Variants in HERC3 observed in about 807,000 individuals in gnomAD.
HERC3 encodes probable E3 ubiquitin-protein ligase HERC3.
A neutral mutation model predicts 129.9 loss-of-function variants in HERC3; 58 were observed. The observed-to-expected ratio is 0.45, with a 90% CI of 0.36 to 0.56. HERC3 has a LOEUF of 0.56. Among genes scored for constraint, HERC3 ranks in the 20% least tolerant of loss-of-function variants. The pLI, the probability that HERC3 is intolerant of heterozygous loss-of-function variation, is 0.00. For synonymous variants in HERC3, 430 were observed against 451.0 expected (o/e 0.95, Z 0.59); for missense variants, 835 against 1,244.2 (o/e 0.67, Z 4.95).
chr4:88,665,884 G>C (rs1730994455), intron 12 of HERC3, among the ~76,000 whole-genome samples: 1 of 152,070 alleles, frequency 6.6e-6, no homozygotes, highest in Admixed American at 6.5e-5. Context: ...TGCTGATGTT[G>C]GCCTTCCAGA....
Position 88,655,880 on chromosome 4 carries a change from A to G in HERC3, c.914A>G (p.His305Arg). 6.2e-7 allele frequency: 1 copy of G among 1,611,368 alleles called. No homozygotes were observed. Among genetic ancestry groups the G allele is most frequent in the Non-Finnish European group, 8.5e-7 (1 of 1,178,058 alleles). ...EVTQIACGRQ[H>R]TLAFVPSSGL... The stretch of plus-strand genomic sequence containing the variant: ...GTTAAATTATTTTTTCACAGACAAC[A>G]TACCCTAGCCTTCGTGCCTTCTTCT... The change falls in exon 9 of 26, where the codon CAT becomes CGT. Residue 305 changes from histidine to arginine, a missense_variant. By Grantham distance (29) the His-to-Arg change is conservative (BLOSUM62 0). Coordinates refer to ENST00000402738, the MANE Select transcript of HERC3 (RefSeq NM_014606.3).
At chr4:88,651,745 C>T (rs967268291) in intron 4 of HERC3, among the ~76,000 whole-genome samples, 9 of 152,062 alleles carry the variant, frequency 5.9e-5, no homozygotes, top group Non-Finnish European at 1.2e-4. Flanking sequence ...CCACAACGCC[C>T]GGCTGATTTT....
chr4:88,558,729 C>T, the HERC3 span, among the ~76,000 whole-genome samples: 28 of 151,630 alleles, frequency 1.8e-4, no homozygotes, highest in African/African-American at 5.8e-4. Flanking sequence ...TTTGGGAGGC[C>T]GAGGCGGGCG....
At chr4:88,544,513 A>T in the HERC3 span, among the ~76,000 whole-genome samples, 1 of 152,236 alleles carries the variant, frequency 6.6e-6, no homozygotes, top group East Asian at 1.9e-4. Flanking sequence ...CAGCATGGAG[A>T]TTCCTCAAGG....
At chr4:88,560,323 A>C in the HERC3 span, among the ~76,000 whole-genome samples, 1 of 152,068 alleles carries the variant, frequency 6.6e-6, no homozygotes, top group African/African-American at 2.4e-5. Flanking sequence ...TTTTGATTTA[A>C]ATTTCTCTGA....
At chr4:88,673,703 G>T (rs1025336410) in intron 16 of HERC3, among the ~76,000 whole-genome samples, 3 of 152,198 alleles carry the variant, frequency 2.0e-5, no homozygotes, top group Non-Finnish European at 4.4e-5. Context: ...AAATACCAGT[G>T]TGAGTACAAT....
the HERC3 span, among the ~76,000 whole-genome samples, chr4:88,578,890 G>A: frequency 4.6e-5 from 7 of 152,114 alleles, no homozygotes; most frequent in African/African-American, 1.7e-4. Flanking sequence ...AAATGCTAGA[G>A]GCATCACCCC....
intron 3 of HERC3, among the ~76,000 whole-genome samples, chr4:88,644,655 G>A (rs2149261931): frequency 6.6e-6 from 1 of 152,238 alleles, no homozygotes; most frequent in South Asian, 2.1e-4. Context: ...TTGGGGTGAT[G>A]GGACTGTTCT....
intron 25 of HERC3, among the ~76,000 whole-genome samples, chr4:88,704,863 C>CTTTCT (rs1336673525): frequency 7.7e-6 from 1 of 130,670 alleles, no homozygotes; most frequent in African/African-American, 3.0e-5. Context: ...TTCTTTCTTT[C>CTTTCT]TTTTTTTTTT....
chr4:88,632,817 G>A (rs995575827), intron 3 of HERC3, among the ~76,000 whole-genome samples: 4 of 152,158 alleles, frequency 2.6e-5, no homozygotes, highest in Admixed American at 1.3e-4. Context: ...CAGCCGGAGA[G>A]GACAAAGGAT....
intron 3 of HERC3, among the ~76,000 whole-genome samples, chr4:88,629,317 T>TTG (rs1553933548): frequency 2.0e-5 from 3 of 151,954 alleles, no homozygotes; most frequent in Non-Finnish European, 2.9e-5. Flanking sequence ...TTTCTTTGGT[T>TTG]TATCTTTCCA....
In HERC3 at chr4:88,648,901, GT is replaced by G. The variant is rs936031451; in HGVS notation, c.227-927del. On this transcript the variant is annotated intron_variant, in intron 3 of 25. Coordinates refer to ENST00000402738, the MANE Select transcript of HERC3 (RefSeq NM_014606.3). ...CTAACTTTCAATCCTGCTTTTGAAG[GT>G]TTTTTTTTTTTAAATTTATGCTACC... Among the ~76,000 whole-genome samples the G allele has an allele frequency of 5.6e-3, 793 of 141,696 alleles. 10 individuals carry two copies. The highest frequency in any genetic ancestry group is 0.018 in the African/African-American group (691 of 38,856). 93.0% of individuals were successfully genotyped at this position (141,696 alleles called of 152,430 possible).
intron 3 of HERC3, among the ~76,000 whole-genome samples, chr4:88,646,382 C>A (rs961800795): frequency 2.0e-5 from 3 of 152,236 alleles, no homozygotes; most frequent in Admixed American, 6.5e-5. Flanking sequence ...TTGCTGTAAG[C>A]AGCACTCCAC....
intron 19 of HERC3, among the ~76,000 whole-genome samples, chr4:88,679,281 A>G (rs532581920): frequency 1.3e-5 from 2 of 152,164 alleles, no homozygotes; most frequent in Non-Finnish European, 2.9e-5. Context: ...ACTCCCTCAC[A>G]GAGCCCATGT....
At chr4:88,550,096 A>G in the HERC3 span, among the ~76,000 whole-genome samples, 1 of 152,156 alleles carries the variant, frequency 6.6e-6, no homozygotes, top group South Asian at 2.1e-4. Flanking sequence ...ATACTCGACC[A>G]ATGAGGAACT....
the HERC3 span, among the ~76,000 whole-genome samples, chr4:88,536,064 C>T: frequency 6.6e-6 from 1 of 152,152 alleles, no homozygotes; most frequent in African/African-American, 2.4e-5. Context: ...TTCACTGATG[C>T]ACTCAAGTGG....
intron 23 of HERC3, chr4:88,693,187 C>T (rs905162103): frequency 4.1e-6 from 4 of 983,262 alleles, no homozygotes; most frequent in African/African-American, 1.8e-5. Flanking sequence ...TTTTATTCCT[C>T]TTTTTTCTCT....
chr4:88,595,100 C>CAA (rs758727600), intron 1 of HERC3, among the ~76,000 whole-genome samples: 984 of 59,476 alleles, frequency 0.017, 44 homozygotes, highest in African/African-American at 0.046. Flanking sequence ...GACTCTGTCT[C>CAA]AAAAAAAAAA....
chr4:88,694,919 G>A (rs187996351), intron 23 of HERC3, among the ~76,000 whole-genome samples: 1 of 152,092 alleles, frequency 6.6e-6, no homozygotes, highest in African/African-American at 2.4e-5. Context: ...TAACTGGTCA[G>A]TTCATCAAAC....
Sources: gnomAD v4.1 joint callset for allele counts (sites outside exome capture counted in the v4.1 genomes callset) on GRCh38, gnomAD v4.1.1 for gene constraint, MANE v1.5 for transcripts, NCBI Gene and HGNC (gene_info 2026-07-23, HGNC 2026-07-21) for gene names.